The following MRPL42 variants were observed in gnomAD, a reference collection of about 807,000 sequenced individuals.
MRPL42 encodes mitochondrial ribosomal protein L42, also known as large ribosomal subunit protein mL42.
MRPL42 carries 17 observed loss-of-function variants against 17.9 expected under a neutral mutation model. The observed-to-expected ratio is 0.95, with a 90% CI of 0.65 to 1.42. MRPL42 has a LOEUF of 1.42. Among genes scored for constraint, MRPL42 ranks in the 40% most tolerant of loss-of-function variants. MRPL42 has a pLI of 0.00. For missense variants in MRPL42, 177 were observed against 175.2 expected, an observed-to-expected ratio of 1.01 and a Z score of -0.06; for synonymous variants, 59 against 54.4, an observed-to-expected ratio of 1.08 and a Z score of -0.37.
At chr12:93,495,501 C>T (rs1031413133) in intron 5 of MRPL42, among the ~76,000 whole-genome samples, 2 of 152,116 alleles carry the variant, frequency 1.3e-5, no homozygotes, top group African/African-American at 4.8e-5. Flanking sequence ...TCCCAAAGTG[C>T]TGGGATTACA....
intron 2 of MRPL42, among the ~76,000 whole-genome samples, chr12:93,476,267 A>T (rs771500054): frequency 6.6e-6 from 1 of 151,922 alleles, no homozygotes; most frequent in Non-Finnish European, 1.5e-5. Context: ...GCTCACTGCA[A>T]ACTCCGCCTC....
In MRPL42 at chr12:93,504,474, GAAATA is replaced by G. The variant is rs1953644912; in HGVS notation, c.*3254_*3258del. On this transcript the variant is annotated 3_prime_UTR_variant, in exon 6 of 6. Coordinates refer to ENST00000549982, the MANE Select transcript of MRPL42 (RefSeq NM_014050.4). ...TGCATACTCCTAACATCAGTATATA[GAAATA>G]TTTTCTCTTTAGTTCTATTAAAATT... The G allele has an allele frequency of 6.6e-6, 1 of 152,404 alleles. No individual in the cohort carries two copies. The highest frequency in any genetic ancestry group is 2.1e-4 in the South Asian group (1 of 4,842). 9.4% of individuals were successfully genotyped at this position (152,404 alleles called of 1,614,324 possible). A position where few individuals can be genotyped will look rare whatever the true frequency, so the allele number is the denominator to read the frequency against.
chr12:93,473,852 G>A (rs1592766186), intron 2 of MRPL42, among the ~76,000 whole-genome samples: 1 of 151,916 alleles, frequency 6.6e-6, no homozygotes, highest in Non-Finnish European at 1.5e-5. Context: ...ACAGGCGTGA[G>A]CCACCATGCC....
intron 4 of MRPL42, among the ~76,000 whole-genome samples, chr12:93,482,732 C>T (rs1880518512): frequency 6.6e-6 from 1 of 152,254 alleles, no homozygotes; most frequent in South Asian, 2.1e-4. Context: ...ACTATAGGCA[C>T]ACACCACCAT....
rs1953725842 is a variant in MRPL42, at chr12:93,511,576, CAAAG to C, written c.*10360_*10363del. On this transcript the variant is annotated 3_prime_UTR_variant, in exon 6 of 6. Coordinates refer to ENST00000549982, the MANE Select transcript of MRPL42 (RefSeq NM_014050.4). Reference sequence around the variant, plus strand: ...TATCCAGGAAGATCAACCCATAGAACAAAGAAAGCTAATAAATTACCTTTTCTTG... The same window carrying C: ...TATCCAGGAAGATCAACCCATAGAACAAAGCTAATAAATTACCTTTTCTTG... The C allele has an allele frequency of 6.6e-6, 1 of 152,126 alleles. No homozygotes were observed. Among genetic ancestry groups the C allele is most frequent in the Non-Finnish European group, 1.5e-5 (1 of 68,004 alleles). The allele number at this position is 152,126 out of a possible 1,614,324, so 9.4% of individuals were successfully genotyped here. A position where few individuals can be genotyped will look rare whatever the true frequency, so the allele number is the denominator to read the frequency against.
In MRPL42 at chr12:93,505,281, T is replaced by C. The variant is rs1953657206; in HGVS notation, c.*4060T>C. On this transcript the variant is annotated 3_prime_UTR_variant, in exon 6 of 6. Transcript: ENST00000549982. ...CAAAAATTTTTAAGAAAAAAAGATATAATGTGCCATCATTTTGGATGGTTC... is the reference window on the plus strand; with the variant it reads ...CAAAAATTTTTAAGAAAAAAAGATACAATGTGCCATCATTTTGGATGGTTC... 6.6e-6 allele frequency: 1 copy of C among 152,168 alleles called. No homozygotes were observed. The highest frequency in any genetic ancestry group is 1.5e-5 in the Non-Finnish European group (1 of 68,028). 9.4% of individuals were successfully genotyped at this position (152,168 alleles called of 1,614,324 possible).
chr12:93,481,182 T>G (rs1045215969), intron 4 of MRPL42, among the ~76,000 whole-genome samples: 2 of 152,194 alleles, frequency 1.3e-5, no homozygotes, highest in Admixed American at 6.5e-5. Context: ...GTCAAAACTT[T>G]CCCACTGTAC....
chr12:93,468,798 A>C (rs1212109644), intron 1 of MRPL42, among the ~76,000 whole-genome samples: 2 of 152,158 alleles, frequency 1.3e-5, no homozygotes, highest in African/African-American at 4.8e-5. Context: ...TAGTACTGTA[A>C]ATGATGTAGT....
intron 3 of MRPL42, among the ~76,000 whole-genome samples, chr12:93,478,933 TATTTATTTA>T (rs1880320646): frequency 6.7e-6 from 1 of 149,592 alleles, no homozygotes; most frequent in Non-Finnish European, 1.5e-5. Context: ...TTTATTTATT[TATTTATTTA>T]TTTTTTTGAG....
chr12:93,480,363 C>A (rs562233891), intron 4 of MRPL42, among the ~76,000 whole-genome samples: 1 of 151,810 alleles, frequency 6.6e-6, no homozygotes, highest in African/African-American at 2.4e-5. Context: ...TTAGGTGATC[C>A]GCCTGCCTCG....
rs750195049 is a variant in MRPL42, at chr12:93,469,344, T to A, written c.59T>A (p.Phe20Tyr). The A allele has an allele frequency of 6.8e-6, 11 of 1,607,874 alleles. No homozygotes were observed. Among genetic ancestry groups the A allele is most frequent in the Non-Finnish European group, 9.3e-6 (11 of 1,177,880 alleles). The change falls in exon 2 of 6, where the codon TTT (phenylalanine) becomes TAT (tyrosine). Residue 20 changes from phenylalanine (F) to tyrosine (Y), a missense_variant. Transcript: ENST00000549982. ...MSKRTILKHLFPVQNGALYCV... is the reference protein window; with the variant it reads ...MSKRTILKHLYPVQNGALYCV... ...AAGAGAACTATCTTGAAACATTTATTTCCAGTCCAAAGTAAGTGAAATTTT... is the reference window on the plus strand; with the variant it reads ...AAGAGAACTATCTTGAAACATTTATATCCAGTCCAAAGTAAGTGAAATTTT...
At chr12:93,469,471 A>G in intron 2 of MRPL42, 116 bp downstream of exon 2, 1 of 701,124 alleles carries the variant, frequency 1.4e-6, no homozygotes, top group Non-Finnish European at 2.3e-6. Flanking sequence ...GCAGCAATGG[A>G]AAGTGGGAGA....
chr12:93,487,544 T>A lies in MRPL42; in HGVS notation c.267T>A (p.Asp89Glu), dbSNP rs373168009. The change falls in exon 5 of 6, where the codon GAT becomes GAA. Residue 89 changes from aspartate (D) to glutamate (E), a missense_variant. Asp to Glu is a conservative substitution (Grantham distance 45). Coordinates refer to ENST00000549982, the MANE Select transcript of MRPL42 (RefSeq NM_014050.4). Reference protein sequence around the residue: ...DPVHNNEETHDQVLKTRLEEK... With the variant: ...DPVHNNEETHEQVLKTRLEEK... ...TGCATAATAATGAAGAAACACATGA[T>A]CAAGTGCTGAAAACCAGATTGGAAG... 10 of 1,613,900 alleles carry A rather than the reference T, an allele frequency of 6.2e-6. No homozygotes were observed. In the African/African-American group the frequency reaches 6.7e-5, roughly 11 times the overall value.
At chr12:93,484,104 C>T (rs1880593465) in intron 4 of MRPL42, among the ~76,000 whole-genome samples, 1 of 152,126 alleles carries the variant, frequency 6.6e-6, no homozygotes, top group Non-Finnish European at 1.5e-5. Context: ...TTCTGGAATA[C>T]CTCCTGAGGG....
Position 93,506,594 on chromosome 12 carries a change from C to G in MRPL42, c.*5373C>G, listed in dbSNP as rs559881459. The G allele has an allele frequency of 6.6e-6, 1 of 152,234 alleles. No homozygotes were observed. The highest frequency in any genetic ancestry group is 6.5e-5 in the Admixed American group (1 of 15,276). 9.4% of individuals were successfully genotyped at this position (152,234 alleles called of 1,614,324 possible). On this transcript the variant is annotated 3_prime_UTR_variant, in exon 6 of 6. Transcript: ENST00000549982. Reference sequence around the variant, plus strand: ...ATGTCTTTTCTTTATAATGTTGTCTCTAAGCATGTAATCTTTTCGGCAAAT... The same window carrying G: ...ATGTCTTTTCTTTATAATGTTGTCTGTAAGCATGTAATCTTTTCGGCAAAT...
At chr12:93,472,788 C>G (rs746131365) in intron 2 of MRPL42, among the ~76,000 whole-genome samples, 16 of 152,094 alleles carry the variant, frequency 1.1e-4, no homozygotes, top group Non-Finnish European at 1.6e-4. Context: ...TAGAACACTT[C>G]ACAGTTTTCA....
intron 5 of MRPL42, among the ~76,000 whole-genome samples, chr12:93,494,454 G>C (rs529369063): frequency 5.3e-4 from 81 of 152,352 alleles, no homozygotes; most frequent in African/African-American, 1.8e-3. Context: ...ATGAGACAGA[G>C]AGAGGAGTCA....
At chr12:93,480,071 A>G (rs1192061612) in intron 4 of MRPL42, among the ~76,000 whole-genome samples, 1 of 151,042 alleles carries the variant, frequency 6.6e-6, no homozygotes, top group Admixed American at 6.6e-5. Flanking sequence ...ATTGTTTTGT[A>G]TTTGAAATGC....
intron 4 of MRPL42, among the ~76,000 whole-genome samples, chr12:93,486,199 T>G (rs1465642555): frequency 3.3e-5 from 5 of 152,140 alleles, no homozygotes. Context: ...CATTCATGTG[T>G]GTTGAGGAGA....
Sources: allele counts gnomAD v4.1 joint callset (sites outside exome capture counted in the v4.1 genomes callset), GRCh38; gene constraint gnomAD v4.1.1; transcripts MANE v1.5; gene names NCBI Gene and HGNC (gene_info 2026-07-23, HGNC 2026-07-21).